Variants in GREB1 observed in about 807,000 individuals in gnomAD.
GREB1 encodes growth regulating estrogen receptor binding 1.
A neutral mutation model predicts 200.7 loss-of-function variants in GREB1; 106 were observed. The observed-to-expected ratio is 0.53, with a 90% CI of 0.45 to 0.62. The LOEUF (loss-of-function observed/expected upper bound fraction) is 0.62, where lower values mean the gene tolerates loss of function less well. GREB1 is among the 20% of genes least tolerant of loss of function. The pLI is 0.00. For missense variants in GREB1, 2,243 were observed against 2,556.8 expected, an observed-to-expected ratio of 0.88 and a Z score of 2.65; for synonymous variants, 1,132 against 1,092.4, an observed-to-expected ratio of 1.04 and a Z score of -0.72.
chr2:11,640,569 T>TGGACAGTC lies in GREB1; in HGVS notation c.*115_*116insGGACAGTC. The TGGACAGTC allele has an allele frequency of 8.1e-7, 1 of 1,228,804 alleles. No individual in the cohort carries two copies. Among genetic ancestry groups the TGGACAGTC allele is most frequent in the Non-Finnish European group, 1.2e-6 (1 of 858,108 alleles). The allele number at this position is 1,228,804 out of a possible 1,614,324, so 76.1% of individuals were successfully genotyped here. A position where few individuals can be genotyped will look rare whatever the true frequency, so the allele number is the denominator to read the frequency against. ...TGACTGGAATGGACCCCAGGGACTG[T>TGGACAGTC]CCAGGTGCAGCCCCTCCTAGTACAC... On this transcript the variant is annotated 3_prime_UTR_variant, in exon 33 of 33. Coordinates refer to ENST00000381486, the MANE Select transcript of GREB1 (RefSeq NM_014668.4). This position sits in a 1 kb window ranked among gnomAD's most constrained non-coding sequence, Gnocchi z 4.6.
intron 21 of GREB1, among the ~76,000 whole-genome samples, chr2:11,617,925 C>T (rs1296030623): frequency 6.6e-6 from 1 of 152,116 alleles, no homozygotes; most frequent in African/African-American, 2.4e-5. Flanking sequence ...CCCAGATGCC[C>T]CCGATGGAGT....
intron 17 of GREB1, among the ~76,000 whole-genome samples, chr2:11,607,428 ATGTGTGTGTGTG>A (rs201217755): frequency 1.9e-4 from 20 of 104,874 alleles, no homozygotes; most frequent in African/African-American, 4.9e-4. Context: ...CAGTATATGT[ATGTGTGTGTGTG>A]TGTGTGTGTG....
intron 1 of GREB1, among the ~76,000 whole-genome samples, chr2:11,489,244 C>T (rs1184797021): frequency 6.6e-6 from 1 of 152,096 alleles, no homozygotes; most frequent in Non-Finnish European, 1.5e-5. Context: ...CAGGGGTTCG[C>T]AGACCAGCCT....
intron 13 of GREB1, 97 bp downstream of exon 13, chr2:11,596,336 A>G: frequency 1.2e-6 from 1 of 805,806 alleles, no homozygotes; most frequent in Non-Finnish European, 1.8e-6. Context: ...GAGAGGGGCC[A>G]TGGCGCAAGT....
chr2:11,591,832 A>G (rs1465736574), intron 10 of GREB1: 2 of 202,056 alleles, frequency 9.9e-6, no homozygotes, highest in Non-Finnish European at 2.0e-5. Flanking sequence ...ATGATGGGAC[A>G]TTATGGACAC....
At chr2:11,590,792 C>T (rs920024397) in intron 10 of GREB1, among the ~76,000 whole-genome samples, 2 of 152,086 alleles carry the variant, frequency 1.3e-5, no homozygotes, top group African/African-American at 2.4e-5. Flanking sequence ...AGTCTGCCAA[C>T]CTATATTGAG....
At position 11,641,929 on chromosome 2, in the gene GREB1, A is replaced by G. The variant is rs1461563651; in HGVS notation, c.*1475A>G. 6.6e-6 allele frequency: 1 copy of G among 152,208 alleles called. No individual in the cohort carries two copies. The highest frequency in any genetic ancestry group is 1.5e-5 in the Non-Finnish European group (1 of 68,046). The allele number at this position is 152,208 out of a possible 1,614,324, so 9.4% of individuals were successfully genotyped here. A position where few individuals can be genotyped will look rare whatever the true frequency, so the allele number is the denominator to read the frequency against. On this transcript the variant is annotated 3_prime_UTR_variant, in exon 33 of 33. Coordinates refer to ENST00000381486, the MANE Select transcript of GREB1 (RefSeq NM_014668.4). The stretch of plus-strand genomic sequence containing the variant: ...GAAAGATGAGAAGGTTGAGATGCAA[A>G]GAGTCTACCTTTCCAAGTTCTCACT...
In GREB1 at chr2:11,585,807, C is replaced by G; in HGVS notation, c.1061C>G (p.Pro354Arg). The G allele has an allele frequency of 6.2e-7, 1 of 1,613,700 alleles. No homozygotes were observed. Among genetic ancestry groups the G allele is most frequent in the Non-Finnish European group, 8.5e-7 (1 of 1,180,006 alleles). The change falls in exon 9 of 33, where the codon CCA becomes CGA. Residue 354 changes from proline to arginine, a missense_variant. Coordinates refer to ENST00000381486, the MANE Select transcript of GREB1 (RefSeq NM_014668.4). ...GTGCCGCAGGTTGGCTTGGTGGGACCAGCTTCAGTCACCTTTCCAGTGGTG... is the reference window on the plus strand; with the variant it reads ...GTGCCGCAGGTTGGCTTGGTGGGACGAGCTTCAGTCACCTTTCCAGTGGTG... ...SCVPQVGLVG[P>R]ASVTFPVVAS...
chr2:11,621,178 C>G (rs914733229), intron 23 of GREB1, among the ~76,000 whole-genome samples, 171 bp downstream of exon 23: 1 of 151,914 alleles, frequency 6.6e-6, no homozygotes, highest in Non-Finnish European at 1.5e-5. Context: ...TTCTCAGTAT[C>G]AGGCTTTTGC....
chr2:11,596,117 A>T lies in GREB1; in HGVS notation c.1832A>T (p.Asp611Val), dbSNP rs777505379. 5 of 1,613,370 alleles carry T rather than the reference A, an allele frequency of 3.1e-6. No homozygotes were observed. In the South Asian group the frequency reaches 5.5e-5, roughly 18 times the overall value. ...AFFSTLCPEG[D>V]IDILLDKFHQ... ...TTTATTCTGTCTTGGGCAGAGGGTGACATTGACATTTTGCTGGACAAATTT... is the reference window on the plus strand; with the variant it reads ...TTTATTCTGTCTTGGGCAGAGGGTGTCATTGACATTTTGCTGGACAAATTT... The change falls in exon 13 of 33, where the codon GAC (aspartate) becomes GTC (valine). Residue 611 changes from aspartate (D) to valine (V), a missense_variant. Physicochemically the swap from Asp to Val is radical, Grantham distance 152. Transcript: ENST00000381486.
chr2:11,616,314 C>A (rs967507156), intron 20 of GREB1, among the ~76,000 whole-genome samples: 3 of 152,232 alleles, frequency 2.0e-5, no homozygotes, highest in African/African-American at 7.2e-5. Context: ...GGCCAGATGC[C>A]CCCCTCTTCC....
At chr2:11,618,955 C>CT in intron 22 of GREB1, 36 bp downstream of exon 22, 4 of 1,446,900 alleles carry the variant, frequency 2.8e-6, no homozygotes, top group Non-Finnish European at 2.7e-6. Flanking sequence ...CAGCCCCGGA[C>CT]TGGGGGGGTC....
At chr2:11,567,007 G>A (rs895756450) in intron 4 of GREB1, among the ~76,000 whole-genome samples, 27 of 151,576 alleles carry the variant, frequency 1.8e-4, no homozygotes, top group African/African-American at 6.4e-4. Flanking sequence ...GAATGAGGCC[G>A]AGTGTGTTGC....
At chr2:11,611,566 A>T (rs549260807) in intron 18 of GREB1, among the ~76,000 whole-genome samples, 1 of 152,274 alleles carries the variant, frequency 6.6e-6, no homozygotes, top group East Asian at 1.9e-4. Context: ...TCAGCCTCCC[A>T]AAGTGCTGGG....
intron 1 of GREB1, among the ~76,000 whole-genome samples, chr2:11,522,755 G>C (rs1379221474): frequency 6.6e-6 from 1 of 152,326 alleles, no homozygotes; most frequent in East Asian, 1.9e-4. Context: ...CATCTTAGCT[G>C]TGCAGACTCA....
At chr2:11,576,704 T>C (rs770978800) in intron 5 of GREB1, among the ~76,000 whole-genome samples, 169 bp downstream of exon 5, 5 of 152,208 alleles carry the variant, frequency 3.3e-5, no homozygotes, top group Non-Finnish European at 7.3e-5. Flanking sequence ...GGCGTTAAGC[T>C]GGTTGACAGT....
chr2:11,618,115 C>T (rs544315501), intron 21 of GREB1, among the ~76,000 whole-genome samples, 173 bp from the exon 22 acceptor site: 6 of 151,990 alleles, frequency 3.9e-5, no homozygotes, highest in South Asian at 2.1e-4. Context: ...ACTCCTGGGA[C>T]GAGTCGCCCC....
At chr2:11,510,509 T>A (rs568263992) in intron 1 of GREB1, among the ~76,000 whole-genome samples, 48 of 152,280 alleles carry the variant, frequency 3.2e-4, no homozygotes, top group Middle Eastern at 3.4e-3. Flanking sequence ...TATAAAGACA[T>A]TTTCCTAATC....
chr2:11,541,165 G>C (rs73915413), intron 1 of GREB1, among the ~76,000 whole-genome samples: 4,452 of 152,208 alleles, frequency 0.029, 236 homozygotes, highest in African/African-American at 0.1. Context: ...AGGGCTTCTA[G>C]GAGAAGGCCA....
Sources: gnomAD v4.1 joint callset for allele counts (sites outside exome capture counted in the v4.1 genomes callset) on GRCh38, gnomAD v4.1.1 for gene constraint, Gnocchi (gnomAD v3.1) non-coding constraint, MANE v1.5 for transcripts, NCBI Gene and HGNC (gene_info 2026-07-23, HGNC 2026-07-21) for gene names.